NUP210: variants seen among roughly 807,000 people sequenced by gnomAD.
NUP210 encodes nucleoporin 210.
NUP210 carries 151 observed loss-of-function variants against 196.0 expected under a neutral mutation model. The observed-to-expected ratio is 0.77, with a 90% CI of 0.67 to 0.88. The LOEUF is 0.88. Among genes scored for constraint, NUP210 ranks in the 40% least tolerant of loss-of-function variants. The pLI is 0.00. For missense variants in NUP210, 2,314 were observed against 2,493.7 expected (o/e 0.93, Z 1.53); for synonymous variants, 1,070 against 1,052.7 (o/e 1.02, Z -0.32).
Position 13,322,049 on chromosome 3 carries a change from G to A in NUP210, c.4915+144C>T, listed in dbSNP as rs541805128. On this transcript the variant is annotated intron_variant, in intron 35 of 39. Transcript: ENST00000254508. ...ACCAGCAGTCCTCCCAAGTCCCCCT[G>A]GCGTCAATCCCCAGGCTGGGCTCCT... 8.9e-5 allele frequency: 106 copies of A among 1,187,270 alleles called. 1 individual carries two copies. The African/African-American group carries it at 1.4e-3, about 16-fold the overall frequency. The allele number at this position is 1,187,270 out of a possible 1,614,324, so 73.5% of individuals were successfully genotyped here.
At chr3:13,404,503 TAAATGA>T (rs1246433801) in intron 1 of NUP210, among the ~76,000 whole-genome samples, 1 of 152,264 alleles carries the variant, frequency 6.6e-6, no homozygotes, top group East Asian at 1.9e-4. Flanking sequence ...TTCTAACTTC[TAAATGA>T]AAATATCTTC....
At chr3:13,396,760 C>CAAA (rs71066951) in intron 3 of NUP210, among the ~76,000 whole-genome samples, 1,387 of 60,570 alleles carry the variant, frequency 0.023, 70 homozygotes, top group East Asian at 0.064. Flanking sequence ...GACTCTGTCT[C>CAAA]AAAAAAAAAA....
rs200628746 is a variant in NUP210, at chr3:13,322,185, G to A, written c.4915+8C>T. On this transcript the variant is annotated splice_region_variant and intron_variant, in intron 35 of 39. Coordinates refer to ENST00000254508, the MANE Select transcript of NUP210 (RefSeq NM_024923.4). ...AAGTCCCTTTCACTTTCAAATCCTCGCAATTACCGAGAGCAGTGTCAAACT... is the reference window on the plus strand; with the variant it reads ...AAGTCCCTTTCACTTTCAAATCCTCACAATTACCGAGAGCAGTGTCAAACT... 83 of 1,613,866 alleles carry A rather than the reference G, an allele frequency of 5.1e-5. No individual in the cohort carries two copies. Among genetic ancestry groups the A allele is most frequent in the Middle Eastern group, 1.6e-4 (1 of 6,084 alleles).
chr3:13,342,116 A>G lies in NUP210; in HGVS notation c.2972T>C (p.Ile991Thr), dbSNP rs758539029. The G allele has an allele frequency of 2.5e-6, 4 of 1,614,018 alleles. No homozygotes were observed. The highest frequency in any genetic ancestry group is 2.2e-5 in the South Asian group (2 of 91,070). ...GACGTATGCCTTCACTGTCTTCCCA[A>G]TCTCCACCTGCATCATGGGGACAGA... ...LYIRVVDKVEIGKTVKAYVRV... is the reference protein window; with the variant it reads ...LYIRVVDKVETGKTVKAYVRV... The change falls in exon 22 of 40, where the codon ATT (isoleucine) becomes ACT (threonine). Residue 991 changes from isoleucine (I) to threonine (T), a missense_variant. Transcript: ENST00000254508.
intron 25 of NUP210, among the ~76,000 whole-genome samples, chr3:13,339,532 G>C (rs1042247585): frequency 7.2e-5 from 11 of 152,254 alleles, no homozygotes; most frequent in African/African-American, 2.7e-4. Context: ...AAAGTGCTCA[G>C]AGCAGCATCT....
chr3:13,359,320 T>A (rs1214494985), intron 15 of NUP210, among the ~76,000 whole-genome samples: 1 of 152,192 alleles, frequency 6.6e-6, no homozygotes, highest in African/African-American at 2.4e-5. Flanking sequence ...CCAACTTAAT[T>A]CATGAGGAAT....
chr3:13,362,769 C>T (rs1559329196), intron 14 of NUP210, among the ~76,000 whole-genome samples: 1 of 152,104 alleles, frequency 6.6e-6, no homozygotes, highest in Non-Finnish European at 1.5e-5. Context: ...CCCCTGTTTC[C>T]TGCAGGAGAA....
At position 13,373,641 on chromosome 3, in the gene NUP210, T is replaced by G. The variant is rs1032246994; in HGVS notation, c.1587+77A>C. On this transcript the variant is annotated intron_variant, in intron 12 of 39. Transcript: ENST00000254508. ...AGGTTGGGGGTGTTTCTGAGTGAAG[T>G]CGAGGCTTGCTCAGAGGGGGCGGCT... 5 of 1,488,510 alleles carry G rather than the reference T, an allele frequency of 3.4e-6. No homozygotes were observed. The African/African-American group carries it at 6.9e-5, about 20-fold the overall frequency. The allele number at this position is 1,488,510 out of a possible 1,614,324, so 92.2% of individuals were successfully genotyped here.
chr3:13,355,459 C>T (rs1004852942), intron 16 of NUP210, among the ~76,000 whole-genome samples: 3 of 152,216 alleles, frequency 2.0e-5, no homozygotes, highest in Non-Finnish European at 2.9e-5. Flanking sequence ...AAGCAGGTCT[C>T]CCAGCCAACT....
intron 1 of NUP210, among the ~76,000 whole-genome samples, chr3:13,401,456 G>T (rs1454892717): frequency 6.6e-6 from 1 of 152,104 alleles, no homozygotes; most frequent in Non-Finnish European, 1.5e-5. Context: ...GACCTTGGAA[G>T]TTCACGGAAA....
chr3:13,388,482 G>C, intron 4 of NUP210, 29 bp from the exon 5 acceptor site: 1 of 1,578,324 alleles, frequency 6.3e-7, no homozygotes. Flanking sequence ...GTCAAAGTTT[G>C]TTGATCAAAC....
intron 12 of NUP210, 75 bp downstream of exon 12, chr3:13,373,643 G>A (rs1190186295): frequency 6.7e-6 from 10 of 1,502,896 alleles, no homozygotes; most frequent in Non-Finnish European, 9.2e-6. Flanking sequence ...GAGTGAAGTC[G>A]AGGCTTGCTC....
chr3:13,339,357 A>C (rs1204573595), intron 25 of NUP210, among the ~76,000 whole-genome samples: 1 of 152,230 alleles, frequency 6.6e-6, no homozygotes, highest in East Asian at 1.9e-4. Flanking sequence ...TACACATCAC[A>C]GAAGGCTCTT....
chr3:13,327,348 C>T lies in NUP210; in HGVS notation c.4376G>A (p.Trp1459Ter). The T allele has an allele frequency of 6.2e-7, 1 of 1,613,408 alleles. No homozygotes were observed. Among genetic ancestry groups the T allele is most frequent in the Non-Finnish European group, 8.5e-7 (1 of 1,179,968 alleles). The change falls in exon 32 of 40, where the codon TGG (tryptophan) becomes TAG (stop). Residue 1459 changes from tryptophan to a stop codon, truncating the protein, a stop_gained. Coordinates refer to ENST00000254508, the MANE Select transcript of NUP210 (RefSeq NM_024923.4). LOFTEE classifies it high-confidence loss of function. ...CGAGAGGCCCGGGTGCTCTGCGTCC[C>T]ACACACGGAGCAGTGTCAGGCCCAC... ...VSVGLTLLRVWDAEHPGLSDF... is the reference protein window; with the variant it reads ...VSVGLTLLRV
chr3:13,392,566 C>T (rs562253020), intron 3 of NUP210, among the ~76,000 whole-genome samples: 25 of 152,348 alleles, frequency 1.6e-4, no homozygotes, highest in African/African-American at 5.8e-4. Context: ...CGAAGCACAT[C>T]GGCTGCAAGA....
chr3:13,356,714 T>A (rs1403931423), intron 16 of NUP210, among the ~76,000 whole-genome samples: 1 of 152,230 alleles, frequency 6.6e-6, no homozygotes, highest in Non-Finnish European at 1.5e-5. Flanking sequence ...GGCTGGCTGG[T>A]GGCTCAGGAA....
Position 13,391,218 on chromosome 3 carries a change from C to A in NUP210, c.526G>T (p.Ala176Ser), listed in dbSNP as rs1390928565. 4 of 1,611,604 alleles carry A rather than the reference C, an allele frequency of 2.5e-6. No individual in the cohort carries two copies. In the South Asian group the frequency reaches 4.4e-5, roughly 18 times the overall value. ...EADRFSDSHN[A>S]LRILTFLEST... Reference sequence around the variant, plus strand: ...AGCAGAGGCACCCCTTACCGCAGCGCATTGTGGGAGTCTGAGAACCTGTCC... The same window carrying A: ...AGCAGAGGCACCCCTTACCGCAGCGAATTGTGGGAGTCTGAGAACCTGTCC... Residue 176 changes from alanine (A) to serine (S), a missense_variant, in exon 4 of 40, where the codon GCG (alanine) becomes TCG (serine). By Grantham distance (99) the Ala-to-Ser change is moderately conservative. Transcript: ENST00000254508.
At chr3:13,393,268 CCTGCTAAGGGGCT>C (rs1400039141) in intron 3 of NUP210, among the ~76,000 whole-genome samples, 1 of 152,102 alleles carries the variant, frequency 6.6e-6, no homozygotes, top group Non-Finnish European at 1.5e-5. Context: ...TGGGGGAGGC[CCTGCTAAGGGGCT>C]CTTAGCAAGG....
rs57395477 is a variant in NUP210 at position 13,408,787 on chromosome 3, C to CAAA, written c.168-8929_168-8927dup. ...TGAGTGACAGGGAGAGACTCTGTCT[C>CAAA]AAAAAAAAAAAAAAAAAAGGTTTTT... On this transcript the variant is annotated intron_variant, in intron 1 of 39. Transcript: ENST00000254508. Among the ~76,000 whole-genome samples the CAAA allele has an allele frequency of 9.5e-4, 73 of 76,990 alleles. 1 individual carries two copies. Among genetic ancestry groups the CAAA allele is most frequent in the Non-Finnish European group, 1.1e-3 (38 of 33,504 alleles). 50.5% of individuals were successfully genotyped at this position (76,990 alleles called of 152,430 possible).
Sources: gnomAD v4.1 joint callset for allele counts (sites outside exome capture counted in the v4.1 genomes callset) on GRCh38, gnomAD v4.1.1 for gene constraint, MANE v1.5 for transcripts, NCBI Gene and HGNC (gene_info 2026-07-23, HGNC 2026-07-21) for gene names.